CUL2: variants seen among roughly 807,000 people sequenced by gnomAD.
CUL2 encodes cullin-2.
CUL2 carries 22 observed loss-of-function variants against 110.2 expected under a neutral mutation model. The observed-to-expected ratio is 0.20, with a 90% confidence interval of 0.14 to 0.28. The LOEUF (loss-of-function observed/expected upper bound fraction) is 0.28, where lower values mean the gene tolerates loss of function less well. CUL2 is among the 10% of genes least tolerant of loss of function. The probability of loss-of-function intolerance (pLI) is 1.00; values close to 1 mark genes in which losing one functional copy is unlikely to be tolerated. For synonymous variants in CUL2, 279 were observed against 293.2 expected (o/e 0.95, Z 0.49); for missense variants, 631 against 905.5 (o/e 0.70, Z 3.89).
chr10:35,056,020 C>T (rs1225681175), intron 4 of CUL2, among the ~76,000 whole-genome samples: 2 of 152,140 alleles, frequency 1.3e-5, no homozygotes, highest in African/African-American at 2.4e-5. Context: ...ACTTCCCAGC[C>T]CTAAGCAAGT....
Position 35,016,389 on chromosome 10 carries a change from C to T in CUL2, c.1690G>A (p.Val564Ile). Reference sequence around the variant, plus strand: ...GGTTTGCCCAAATAGTTCATTTTAACTTCACCTACAATTAAAACAAAAACT... The same window carrying T: ...GGTTTGCCCAAATAGTTCATTTTAATTTCACCTACAATTAAAACAAAAACT... ...TWLHYLCTGE[V>I]KMNYLGKPYV... The change falls in exon 18 of 21, where the codon GTT becomes ATT. Residue 564 changes from valine (V) to isoleucine (I), a missense_variant. Val to Ile is a conservative substitution (Grantham distance 29, BLOSUM62 3). Around this residue, in one of 3 missense-constraint regions of CUL2, gnomAD observed 134 missense variants for 260.4 expected, o/e 0.51. Coordinates refer to ENST00000374749, the MANE Select transcript of CUL2 (RefSeq NM_003591.4). The T allele has an allele frequency of 1.3e-6, 2 of 1,599,036 alleles. No individual in the cohort carries two copies. Among genetic ancestry groups the T allele is most frequent in the Non-Finnish European group, 1.7e-6 (2 of 1,170,112 alleles).
At chr10:35,103,894 AG>A (rs746243692) in intron 1 of CUL2, among the ~76,000 whole-genome samples, 6 of 152,150 alleles carry the variant, frequency 3.9e-5, no homozygotes, top group Non-Finnish European at 7.4e-5. Flanking sequence ...AACCTCTCCA[AG>A]GGATAGATCT....
chr10:35,068,326 G>A (rs2086588937), intron 2 of CUL2, among the ~76,000 whole-genome samples: 1 of 152,138 alleles, frequency 6.6e-6, no homozygotes, highest in Admixed American at 6.5e-5. Flanking sequence ...GGAGGCTGAG[G>A]TATGAGAATC....
chr10:35,028,692 C>T, intron 16 of CUL2, 118 bp downstream of exon 16: 1 of 603,134 alleles, frequency 1.7e-6, no homozygotes, highest in East Asian at 2.9e-5. Context: ...ACTATAATTT[C>T]TGAATCTATT....
intron 6 of CUL2, among the ~76,000 whole-genome samples, chr10:35,045,859 CTCTT>C: frequency 6.6e-6 from 1 of 152,372 alleles, no homozygotes; most frequent in East Asian, 1.9e-4. Flanking sequence ...TCACTACACA[CTCTT>C]CCAACCTACT....
At chr10:35,027,440 G>A (rs887945854) in intron 16 of CUL2, among the ~76,000 whole-genome samples, 21 of 152,118 alleles carry the variant, frequency 1.4e-4, no homozygotes, top group South Asian at 1.0e-3. Context: ...CACCGCGCCC[G>A]GCAACTTTAG....
chr10:35,033,506 G>T lies in CUL2; in HGVS notation c.1003-233C>A, dbSNP rs539310548. Among the ~76,000 whole-genome samples, 261 of 152,194 alleles carry T rather than the reference G, an allele frequency of 1.7e-3. 1 individual carries two copies. The highest frequency in any genetic ancestry group is 3.3e-3 in the Non-Finnish European group (222 of 68,004). ...ATCCCAGCACTTCTGGGAGGCTGAG[G>T]CGGGCGGATCATGAGGTCAGGAGAT... On this transcript the variant is annotated intron_variant, in intron 10 of 20. Transcript: ENST00000374749.
intron 2 of CUL2, chr10:35,063,767 T>C (rs79716010): frequency 1.2e-4 from 18 of 150,540 alleles, no homozygotes; most frequent in African/African-American, 4.4e-4. Context: ...TTTTTTTTTT[T>C]AATATCCTTT....
chr10:35,103,535 G>C (rs1439334005), intron 1 of CUL2, among the ~76,000 whole-genome samples: 137 of 146,136 alleles, frequency 9.4e-4, no homozygotes, highest in African/African-American at 1.5e-3. Flanking sequence ...GTGTCAGCCA[G>C]GATGGTCTCG....
rs138015093 is a variant in CUL2 at position 35,009,779 on chromosome 10, G to A, written c.*532C>T. 4.7e-4 allele frequency: 71 copies of A among 152,508 alleles called. No individual in the cohort carries two copies. Among genetic ancestry groups the A allele is most frequent in the African/African-American group, 1.7e-3 (70 of 41,476 alleles). The allele number at this position is 152,508 out of a possible 1,614,324, so 9.4% of individuals were successfully genotyped here. A position where few individuals can be genotyped will look rare whatever the true frequency, so the allele number is the denominator to read the frequency against. ...TGAATTAAACCATTCAGATAAAAACGCAACTAAAGATGCATTAGCTGCTTT... is the reference window on the plus strand; with the variant it reads ...TGAATTAAACCATTCAGATAAAAACACAACTAAAGATGCATTAGCTGCTTT... On this transcript the variant is annotated 3_prime_UTR_variant, in exon 21 of 21. Transcript: ENST00000374749.
At chr10:35,029,020 C>A in intron 15 of CUL2, 133 bp from the exon 16 acceptor site, 1 of 579,498 alleles carries the variant, frequency 1.7e-6, no homozygotes, top group East Asian at 3.0e-5. Context: ...CTGAGTATTT[C>A]TATCATGGCA....
chr10:35,039,824 C>T (rs1392422505), intron 8 of CUL2, among the ~76,000 whole-genome samples: 3 of 151,660 alleles, frequency 2.0e-5, no homozygotes, highest in African/African-American at 4.9e-5. Context: ...CACTGCACTC[C>T]AGCCTGTGTG....
At chr10:35,084,490 T>A (rs2087014510) in intron 1 of CUL2, among the ~76,000 whole-genome samples, 1 of 152,164 alleles carries the variant, frequency 6.6e-6, no homozygotes, top group South Asian at 2.1e-4. Flanking sequence ...TTGTCTCCAA[T>A]AAGCCTTTCC....
At chr10:35,126,985 G>C (rs1589084634), upstream of CUL2, 1 of 152,506 alleles carries the variant, frequency 6.6e-6, no homozygotes, top group South Asian at 2.1e-4. Flanking sequence ...GACGCGGTTC[G>C]GTCGGCTGCA....
intron 17 of CUL2, among the ~76,000 whole-genome samples, chr10:35,021,831 C>CAAGGT (rs2085200959): frequency 1.5e-5 from 1 of 66,380 alleles, no homozygotes; most frequent in East Asian, 5.2e-4. Flanking sequence ...TGAGGTGAGG[C>CAAGGT]GAGGTGAGGT....
At chr10:35,077,569 G>C (rs1317884025) in intron 1 of CUL2, among the ~76,000 whole-genome samples, 1 of 151,868 alleles carries the variant, frequency 6.6e-6, no homozygotes, top group African/African-American at 2.4e-5. Flanking sequence ...TGTAATCCCA[G>C]CACTTTGGGA....
intron 17 of CUL2, among the ~76,000 whole-genome samples, chr10:35,017,204 T>C (rs1303365944): frequency 3.3e-5 from 5 of 152,172 alleles, no homozygotes; most frequent in African/African-American, 1.2e-4. Flanking sequence ...AAATTAATGC[T>C]ATTATGTCTC....
At chr10:35,099,027 G>C (rs2087339862) in intron 2 of CUL2, among the ~76,000 whole-genome samples, 1 of 152,172 alleles carries the variant, frequency 6.6e-6, no homozygotes, top group African/African-American at 2.4e-5. Flanking sequence ...AGTCTGGAGG[G>C]AAGCTAATTC....
chr10:35,021,789 C>T (rs1311794888), intron 17 of CUL2, among the ~76,000 whole-genome samples: 2 of 125,268 alleles, frequency 1.6e-5, no homozygotes, highest in African/African-American at 3.0e-5. Context: ...CTCCAGCTTA[C>T]GTGAGGTGGG....
Sources: gnomAD v4.1 joint callset for allele counts (sites outside exome capture counted in the v4.1 genomes callset) on GRCh38, gnomAD v4.1.1 for gene constraint, gnomAD v4.1.1 regional missense constraint, MANE v1.5 for transcripts, NCBI Gene and HGNC (gene_info 2026-07-23, HGNC 2026-07-21) for gene names.